The following BANK1 variants were observed in gnomAD, a reference collection of about 807,000 sequenced individuals.
The protein encoded by BANK1 is B-cell scaffold protein with ankyrin repeats.
A neutral mutation model predicts 94.5 loss-of-function variants in BANK1; 95 were observed. The observed-to-expected ratio is 1.00, with a 90% CI of 0.85 to 1.19. BANK1 has a LOEUF of 1.19. BANK1 is among the 50% of genes most tolerant of loss of function. BANK1 has a pLI of 0.00. For missense variants in BANK1, 987 were observed against 932.2 expected (o/e 1.06, Z -0.77); for synonymous variants, 334 against 308.4 (o/e 1.08, Z -0.87).
intron 10 of BANK1, among the ~76,000 whole-genome samples, chr4:102,031,072 C>G (rs917914376): frequency 2.6e-5 from 4 of 152,068 alleles, no homozygotes; most frequent in African/African-American, 9.7e-5. Flanking sequence ...TAAAAGCATC[C>G]CTGTTTCTCC....
intron 8 of BANK1, among the ~76,000 whole-genome samples, chr4:102,022,128 A>G (rs1041054069): frequency 1.1e-4 from 16 of 152,126 alleles, no homozygotes; most frequent in Non-Finnish European, 4.4e-5. Context: ...ATACGCGTTT[A>G]TATGTGTACG....
chr4:101,920,180 T>C (rs1296499680), intron 7 of BANK1, among the ~76,000 whole-genome samples: 1 of 151,734 alleles, frequency 6.6e-6, no homozygotes, highest in African/African-American at 2.4e-5. Flanking sequence ...GTGAGAACCC[T>C]TGGACACAGG....
At chr4:102,015,263 G>A (rs1346965444) in intron 7 of BANK1, among the ~76,000 whole-genome samples, 2 of 151,730 alleles carry the variant, frequency 1.3e-5, no homozygotes, top group Non-Finnish European at 2.9e-5. Context: ...TTCTATCTAT[G>A]CTTTTTTTGG....
chr4:101,976,868 T>A (rs558267672), intron 7 of BANK1: 3 of 152,284 alleles, frequency 2.0e-5, no homozygotes, highest in Non-Finnish European at 4.4e-5. Context: ...AGCTGAATCT[T>A]ACGGTGGAAT....
Position 102,073,758 on chromosome 4 carries a change from T to C in BANK1, c.*5+10T>C, listed in dbSNP as rs1184521768. The C allele has an allele frequency of 5.0e-6, 8 of 1,594,642 alleles. No homozygotes were observed. On this transcript the variant is annotated intron_variant, in intron 16 of 16. Transcript: ENST00000322953. ...AAGATCATTAAAGAAGGTAAAATAT[T>C]AGCTGTGTATATTTTTTAGAAAATC...
At chr4:101,899,704 G>T (rs1722210972) in intron 6 of BANK1, among the ~76,000 whole-genome samples, 1 of 152,110 alleles carries the variant, frequency 6.6e-6, no homozygotes, top group Non-Finnish European at 1.5e-5. Flanking sequence ...AAGGAAAGAA[G>T]AAGGGAGAGA....
chr4:101,888,786 A>ACT (rs1368090905), intron 5 of BANK1, among the ~76,000 whole-genome samples: 1 of 152,214 alleles, frequency 6.6e-6, no homozygotes, highest in Non-Finnish European at 1.5e-5. Flanking sequence ...ACTATTAGTT[A>ACT]AACTGTTTGA....
chr4:102,047,111 C>G (rs1448696373), intron 11 of BANK1, among the ~76,000 whole-genome samples: 1 of 152,128 alleles, frequency 6.6e-6, no homozygotes, highest in Non-Finnish European at 1.5e-5. Flanking sequence ...GCACCAAATT[C>G]TAACACCCAC....
chr4:101,859,459 A>C (rs544124647), intron 3 of BANK1, among the ~76,000 whole-genome samples: 1 of 152,328 alleles, frequency 6.6e-6, no homozygotes, highest in East Asian at 1.9e-4. Context: ...GCCAAGCTTT[A>C]AAGTTTGGAA....
At chr4:101,843,734 G>A (rs571432073) in intron 2 of BANK1, among the ~76,000 whole-genome samples, 1 of 152,042 alleles carries the variant, frequency 6.6e-6, no homozygotes, top group Non-Finnish European at 1.5e-5. Flanking sequence ...GGCCAACAAG[G>A]TGAAACCCCA....
In BANK1 at chr4:101,901,856, G is replaced by A. The variant is rs893124983; in HGVS notation, c.1009+6446G>A. Among the ~76,000 whole-genome samples the A allele has an allele frequency of 5.3e-5, 8 of 152,196 alleles. No homozygotes were observed. The South Asian group carries it at 1.2e-3, about 24-fold the overall frequency. ...GCTCACTGCAAGCTCTGCCTCCTAG[G>A]TTCACACCATTCTCCTGCCTCAGCC... On this transcript the variant is annotated intron_variant, in intron 6 of 16. Transcript: ENST00000322953.
At chr4:102,002,023 G>T (rs548984477) in intron 7 of BANK1, among the ~76,000 whole-genome samples, 2 of 152,156 alleles carry the variant, frequency 1.3e-5, no homozygotes, top group Non-Finnish European at 2.9e-5. Flanking sequence ...ACTGCATTGC[G>T]GCAGCCTGTC....
chr4:101,798,536 A>G (rs1164317837), intron 1 of BANK1, among the ~76,000 whole-genome samples: 1 of 152,184 alleles, frequency 6.6e-6, no homozygotes, highest in African/African-American at 2.4e-5. Context: ...GAATCGCCAT[A>G]CTATCTTCCA....
At chr4:101,850,645 A>T (rs1727439153) in intron 2 of BANK1, among the ~76,000 whole-genome samples, 1 of 152,104 alleles carries the variant, frequency 6.6e-6, no homozygotes. Flanking sequence ...GTTTGTGGCA[A>T]CCTTTTGTTG....
intron 1 of BANK1, among the ~76,000 whole-genome samples, chr4:101,815,772 AT>A (rs1725891343): frequency 2.1e-5 from 3 of 143,930 alleles, no homozygotes; most frequent in Admixed American, 2.1e-4. Flanking sequence ...ATTTTTACTA[AT>A]TTTTGTCACA....
intron 7 of BANK1, among the ~76,000 whole-genome samples, chr4:102,009,534 T>C (rs1726414573): frequency 6.6e-6 from 1 of 152,210 alleles, no homozygotes; most frequent in South Asian, 2.1e-4. Context: ...AACATGATTC[T>C]TGATTTATAG....
intron 7 of BANK1, among the ~76,000 whole-genome samples, chr4:101,986,845 GTA>G (rs1463968913): frequency 1.6e-5 from 1 of 62,058 alleles, no homozygotes; most frequent in Admixed American, 1.7e-4. Flanking sequence ...ATATATATGT[GTA>G]TATATATGTA....
chr4:101,915,341 C>T (rs1168501972), intron 6 of BANK1, among the ~76,000 whole-genome samples: 1 of 152,060 alleles, frequency 6.6e-6, no homozygotes, highest in East Asian at 1.9e-4. Flanking sequence ...TGCTTAAGTG[C>T]TACACTATAT....
At chr4:101,917,971 C>A (rs1246843803) in intron 6 of BANK1, 22 bp from the exon 7 acceptor site, 1 of 1,529,442 alleles carries the variant, frequency 6.5e-7, no homozygotes, top group Admixed American at 1.7e-5. Context: ...ACATTAAATC[C>A]TACTACTTCT....
Sources: gnomAD v4.1 joint callset for allele counts (sites outside exome capture counted in the v4.1 genomes callset) on GRCh38, gnomAD v4.1.1 for gene constraint, MANE v1.5 for transcripts, NCBI Gene and HGNC (gene_info 2026-07-23, HGNC 2026-07-21) for gene names.